MYLK: variants seen among roughly 807,000 people sequenced by gnomAD.
MYLK encodes myosin light chain kinase, also known as myosin light chain kinase, smooth muscle.
A neutral mutation model predicts 203.4 loss-of-function variants in MYLK; 106 were observed. The ratio of observed to expected loss-of-function variants is 0.52; its 90% CI spans 0.45 to 0.61. The LOEUF (loss-of-function observed/expected upper bound fraction) is 0.61, where lower values mean the gene tolerates loss of function less well. Ranked by LOEUF, MYLK falls within the 20% of genes least tolerant of loss-of-function variation. The pLI, the probability that MYLK is intolerant of heterozygous loss-of-function variation, is 0.00. For synonymous variants in MYLK, 867 were observed against 959.5 expected (o/e 0.90, Z 1.78); for missense variants, 2,072 against 2,442.3 (o/e 0.85, Z 3.20).
intron 14 of MYLK, chr3:123,709,210 G>A (rs541312349): frequency 5.6e-5 from 12 of 215,324 alleles, no homozygotes; most frequent in African/African-American, 9.8e-5. Flanking sequence ...GTGCGATCTC[G>A]GCTCACTGCA....
rs138921440 is a variant in MYLK, at chr3:123,728,329, C to T, written c.1517-2251G>A. Among the ~76,000 whole-genome samples, 1,125 of 152,216 alleles carry T rather than the reference C, an allele frequency of 7.4e-3. 10 individuals are homozygous for T. Among genetic ancestry groups the T allele is most frequent in the Middle Eastern group, 0.027 (8 of 294 alleles). ...CCAGCCTGGGAAACATAGCAAGACT[C>T]TTGTCTCTACCAAAAAAAATAAAAT... is the stretch of plus-strand genomic sequence containing the variant. On this transcript the variant is annotated intron_variant, in intron 11 of 33. Coordinates refer to ENST00000360304, the MANE Select transcript of MYLK (RefSeq NM_053025.4).
intron 4 of MYLK, among the ~76,000 whole-genome samples, chr3:123,761,012 G>C (rs1361761088): frequency 6.6e-6 from 1 of 152,202 alleles, no homozygotes; most frequent in Non-Finnish European, 1.5e-5. Context: ...ATTTCAAGAA[G>C]GATGGGTGAG....
chr3:123,871,532 A>G (rs1435103346), intron 2 of MYLK, among the ~76,000 whole-genome samples: 1 of 152,240 alleles, frequency 6.6e-6, no homozygotes, highest in Non-Finnish European at 1.5e-5. Context: ...TAATAAGTTA[A>G]TATTATGAAC....
chr3:123,708,716 C>A lies in MYLK; in HGVS notation c.2122G>T (p.Ala708Ser), dbSNP rs774856925. The A allele has an allele frequency of 4.3e-6, 7 of 1,614,096 alleles. No individual in the cohort carries two copies. Among genetic ancestry groups the A allele is most frequent in the South Asian group, 2.2e-5 (2 of 91,086 alleles). The change falls in exon 15 of 34, where the codon GCC becomes TCC. Residue 708 changes from alanine (A) to serine (S), a missense_variant. Transcript: ENST00000360304. ...GCCTCACCTTGTACCGTGAGCACGG[C>A]CTGGGTGCGGACCTCTCCAGCGCTG... ...WNSAGEVRTQ[A>S]VLTVQEPHDG...
At chr3:123,831,009 T>C (rs1231892522) in intron 3 of MYLK, among the ~76,000 whole-genome samples, 3 of 152,188 alleles carry the variant, frequency 2.0e-5, no homozygotes, top group Non-Finnish European at 2.9e-5. Context: ...GACCAGGTTA[T>C]GGATAGTGTT....
intron 24 of MYLK, among the ~76,000 whole-genome samples, chr3:123,650,234 G>A (rs756512053): frequency 6.6e-6 from 1 of 152,214 alleles, no homozygotes; most frequent in Non-Finnish European, 1.5e-5. Context: ...TGCACCTGAT[G>A]TCTCTGGCCC....
chr3:123,649,344 G>A (rs1487251437), intron 24 of MYLK, 150 bp from the exon 25 acceptor site: 10 of 996,324 alleles, frequency 1.0e-5, no homozygotes, highest in Non-Finnish European at 1.5e-5. Flanking sequence ...CCCTGGGGCT[G>A]GTCAGTCCAT....
In MYLK at chr3:123,629,982, C is replaced by T. The variant is rs945894079; in HGVS notation, c.4962-356G>A. 2.6e-5 allele frequency among the ~76,000 whole-genome samples: 4 copies of T among 152,082 alleles called. No individual in the cohort carries two copies. The highest frequency in any genetic ancestry group is 5.9e-5 in the Non-Finnish European group (4 of 68,012). On this transcript the variant is annotated intron_variant, in intron 29 of 33. Coordinates refer to ENST00000360304, the MANE Select transcript of MYLK (RefSeq NM_053025.4). This position sits in a 1 kb window ranked among gnomAD's most constrained non-coding sequence, Gnocchi z 4.4. ...GCTAGAGCCTTCTCCAAGCCCCTTC[C>T]TCCCGTGCTCCTGCCCCCTCTCTGT...
At chr3:123,645,468 G>C (rs1470233327) in intron 27 of MYLK, among the ~76,000 whole-genome samples, 1 of 152,170 alleles carries the variant, frequency 6.6e-6, no homozygotes, top group Non-Finnish European at 1.5e-5. Flanking sequence ...AACTTTCCTG[G>C]GAGAGAATTC....
intron 4 of MYLK, among the ~76,000 whole-genome samples, chr3:123,775,292 T>C (rs2064031145): frequency 6.6e-6 from 1 of 152,204 alleles, no homozygotes; most frequent in African/African-American, 2.4e-5. Flanking sequence ...AACAGCCTCC[T>C]GAAGTGCTGG....
chr3:123,856,767 T>TA (rs112042593), intron 2 of MYLK, among the ~76,000 whole-genome samples: 6 of 151,256 alleles, frequency 4.0e-5, no homozygotes, highest in Non-Finnish European at 7.4e-5. Context: ...ATCTTTGGTA[T>TA]AAAAAAAAAT....
chr3:123,836,126 G>A (rs1426179865), intron 2 of MYLK, among the ~76,000 whole-genome samples: 1 of 152,190 alleles, frequency 6.6e-6, no homozygotes, highest in East Asian at 1.9e-4. Flanking sequence ...CCATGTCATG[G>A]AAAACTATGA....
chr3:123,720,236 C>T (rs1276603469), intron 13 of MYLK, among the ~76,000 whole-genome samples: 1 of 152,096 alleles, frequency 6.6e-6, no homozygotes, highest in Non-Finnish European at 1.5e-5. Context: ...TCCTTCAGGT[C>T]CCAGCCCCCA....
At chr3:123,876,382 GA>G (rs1281717119) in intron 2 of MYLK, among the ~76,000 whole-genome samples, 176 bp downstream of exon 2, 2 of 151,982 alleles carry the variant, frequency 1.3e-5, no homozygotes, top group Non-Finnish European at 2.9e-5. Context: ...TTATAATGAT[GA>G]AAAAACTGGT....
chr3:123,823,081 C>G (rs2065991269), intron 3 of MYLK, among the ~76,000 whole-genome samples: 1 of 152,178 alleles, frequency 6.6e-6, no homozygotes, highest in Non-Finnish European at 1.5e-5. Context: ...CTCGTGGCTG[C>G]ACTAACACAT....
chr3:123,679,689 T>C (rs892480739), intron 20 of MYLK, among the ~76,000 whole-genome samples: 1 of 151,954 alleles, frequency 6.6e-6, no homozygotes, highest in Non-Finnish European at 1.5e-5. Context: ...TCTACTGGAG[T>C]TAATCCAGTC....
intron 21 of MYLK, 118 bp from the exon 22 acceptor site, chr3:123,666,464 G>C: frequency 7.1e-7 from 1 of 1,410,288 alleles, no homozygotes; most frequent in Admixed American, 1.9e-5. Flanking sequence ...GGAACCTTCA[G>C]GGTAAGACTG....
intron 1 of MYLK, among the ~76,000 whole-genome samples, chr3:123,881,089 G>T (rs2148730930): frequency 6.6e-6 from 1 of 152,256 alleles, no homozygotes; most frequent in Non-Finnish European, 1.5e-5. Flanking sequence ...GAGGGGCGTG[G>T]CTTGTATGGG....
chr3:123,656,847 C>T (rs937763064), intron 24 of MYLK, among the ~76,000 whole-genome samples: 7 of 152,134 alleles, frequency 4.6e-5, no homozygotes, highest in African/African-American at 9.7e-5. Flanking sequence ...AACATGAGGC[C>T]GCTTGAACTC....
Sources: gnomAD v4.1 joint callset for allele counts (sites outside exome capture counted in the v4.1 genomes callset) on GRCh38, gnomAD v4.1.1 for gene constraint, Gnocchi (gnomAD v3.1) non-coding constraint, MANE v1.5 for transcripts, NCBI Gene and HGNC (gene_info 2026-07-23, HGNC 2026-07-21) for gene names.